The following UGGT2 variants were observed in gnomAD, a reference collection of about 807,000 sequenced individuals.
UGGT2 encodes UDP-glucose glycoprotein glucosyltransferase 2, also known as UDP-glucose:glycoprotein glucosyltransferase 2.
A neutral mutation model predicts 192.1 loss-of-function variants in UGGT2; 180 were observed. That is an observed-to-expected ratio of 0.94 (90% CI 0.83 to 1.06). UGGT2 has a LOEUF of 1.06. Ranked by LOEUF, UGGT2 falls within the 50% of genes least tolerant of loss-of-function variation. UGGT2 has a pLI of 0.00. For synonymous variants in UGGT2, 580 were observed against 591.0 expected (o/e 0.98, Z 0.27); for missense variants, 1,849 against 1,795.7 (o/e 1.03, Z -0.54).
Position 95,877,752 on chromosome 13 carries a change from T to G in UGGT2, c.3333A>C (p.Thr1111=), listed in dbSNP as rs780180191. 3.7e-6 allele frequency: 6 copies of G among 1,613,992 alleles called. No homozygotes were observed. Among genetic ancestry groups the G allele is most frequent in the Admixed American group, 1.7e-5 (1 of 60,006 alleles). Residue 1111 remains threonine (T), a synonymous_variant, in exon 28 of 39, where the codon ACA becomes ACC. Coordinates refer to ENST00000376747, the MANE Select transcript of UGGT2 (RefSeq NM_020121.4). ...TEQPPRGLQF[T]LGTKNKPAVV... is the part of the protein sequence containing the mutation. ...CAGCAGGTTTATTTTTTGTGCCTAG[T>G]GTGAACTGCAGACCCCGAGGAGGCT...
chr13:96,035,084 T>G (rs1391186841), intron 1 of UGGT2, among the ~76,000 whole-genome samples: 1 of 152,070 alleles, frequency 6.6e-6, no homozygotes, highest in Non-Finnish European at 1.5e-5. Flanking sequence ...TTAGAAAATA[T>G]GAAAAAGAGC....
chr13:96,017,788 T>C (rs544875130), intron 4 of UGGT2, among the ~76,000 whole-genome samples: 1 of 152,222 alleles, frequency 6.6e-6, no homozygotes, highest in Non-Finnish European at 1.5e-5. Flanking sequence ...TCTAAAGTAT[T>C]TGAATTCTTT....
At chr13:95,961,939 T>C (rs921750994) in intron 12 of UGGT2, among the ~76,000 whole-genome samples, 1 of 152,068 alleles carries the variant, frequency 6.6e-6, no homozygotes, top group African/African-American at 2.4e-5. Flanking sequence ...AAGAGAAACT[T>C]TGGAAGCAAT....
At chr13:95,894,886 G>A (rs908543496) in intron 23 of UGGT2, among the ~76,000 whole-genome samples, 7 of 152,100 alleles carry the variant, frequency 4.6e-5, no homozygotes, top group Non-Finnish European at 1.0e-4. Flanking sequence ...AGACAAATAT[G>A]GGAACCATGC....
intron 17 of UGGT2, among the ~76,000 whole-genome samples, chr13:95,930,685 T>A (rs1378487179): frequency 2.0e-5 from 3 of 152,194 alleles, no homozygotes; most frequent in Non-Finnish European, 4.4e-5. Context: ...TGAAGTTGGG[T>A]AATACTGTGT....
At chr13:95,911,713 G>A (rs1273371275) in intron 20 of UGGT2, among the ~76,000 whole-genome samples, 1 of 151,012 alleles carries the variant, frequency 6.6e-6, no homozygotes. Flanking sequence ...GAAAAAGAGA[G>A]AATCCTCCCT....
intron 4 of UGGT2, among the ~76,000 whole-genome samples, chr13:96,014,437 A>T (rs1050292578): frequency 2.6e-5 from 4 of 152,200 alleles, no homozygotes; most frequent in African/African-American, 9.6e-5. Flanking sequence ...GACTCAACAT[A>T]TTCTAAATCA....
chr13:96,021,574 CATTT>C (rs1295663890), intron 4 of UGGT2, among the ~76,000 whole-genome samples: 25 of 152,234 alleles, frequency 1.6e-4, no homozygotes, highest in African/African-American at 4.6e-4. Flanking sequence ...TACAGCTATT[CATTT>C]ATTAACACAG....
At chr13:96,051,746 C>G (rs2053492757) in intron 1 of UGGT2, among the ~76,000 whole-genome samples, 1 of 152,010 alleles carries the variant, frequency 6.6e-6, no homozygotes, top group Non-Finnish European at 1.5e-5. Context: ...TACTAATGAT[C>G]AGGGAAACAC....
At chr13:95,985,478 T>C (rs1426506167) in intron 9 of UGGT2, 4 of 264,122 alleles carry the variant, frequency 1.5e-5, no homozygotes, top group Non-Finnish European at 3.0e-5. Flanking sequence ...GTATGATGAA[T>C]AAATGTACAA....
intron 20 of UGGT2, among the ~76,000 whole-genome samples, chr13:95,920,578 T>C (rs1210128662): frequency 6.6e-6 from 1 of 151,872 alleles, no homozygotes; most frequent in Non-Finnish European, 1.5e-5. Flanking sequence ...GGCCAAAAAA[T>C]ATGGGGAAAA....
chr13:95,901,926 T>G (rs2140287690), intron 21 of UGGT2, among the ~76,000 whole-genome samples: 1 of 152,240 alleles, frequency 6.6e-6, no homozygotes, highest in East Asian at 1.9e-4. Flanking sequence ...CTGTCTATCA[T>G]CCTTCCCATG....
chr13:95,947,230 A>T, intron 14 of UGGT2, 58 bp from the exon 15 acceptor site: 2 of 1,445,364 alleles, frequency 1.4e-6, no homozygotes, highest in Non-Finnish European at 1.9e-6. Context: ...ACAATAAACC[A>T]TTATTTAGAA....
intron 20 of UGGT2, among the ~76,000 whole-genome samples, chr13:95,905,093 T>C (rs1229581178): frequency 6.6e-6 from 1 of 152,172 alleles, no homozygotes; most frequent in Non-Finnish European, 1.5e-5. Context: ...ATAAATGTCT[T>C]CTTTTGAGAA....
At chr13:95,920,681 C>T (rs1235827670) in intron 20 of UGGT2, among the ~76,000 whole-genome samples, 6 of 152,016 alleles carry the variant, frequency 3.9e-5, no homozygotes, top group Middle Eastern at 3.2e-3. Context: ...ACTAAAAAGT[C>T]GTAAAAGAAC....
chr13:96,003,848 A>AT (rs958532153), intron 5 of UGGT2, among the ~76,000 whole-genome samples: 1 of 152,194 alleles, frequency 6.6e-6, no homozygotes, highest in African/African-American at 2.4e-5. Context: ...CAGTAAGTCA[A>AT]TATTTCCTTA....
chr13:96,047,586 C>T (rs2053353474), intron 1 of UGGT2, among the ~76,000 whole-genome samples: 1 of 152,084 alleles, frequency 6.6e-6, no homozygotes, highest in African/African-American at 2.4e-5. Context: ...AGGAACGCAG[C>T]TCCTTGCTAT....
At chr13:95,972,368 C>T (rs2050800174) in intron 11 of UGGT2, among the ~76,000 whole-genome samples, 1 of 152,210 alleles carries the variant, frequency 6.6e-6, no homozygotes, top group Non-Finnish European at 1.5e-5. Flanking sequence ...GTCTAACCCT[C>T]ATCCAAACAA....
chr13:95,900,934 A>C lies in UGGT2; in HGVS notation c.2507T>G (p.Met836Arg). The C allele has an allele frequency of 6.3e-7, 1 of 1,587,176 alleles. No individual in the cohort carries two copies. Among genetic ancestry groups the C allele is most frequent in the Non-Finnish European group, 8.5e-7 (1 of 1,170,168 alleles). ...DKIKTFLIEGMDKNAFEKKYN... is the reference protein window; with the variant it reads ...DKIKTFLIEGRDKNAFEKKYN... ...TTTTTTCTCAAAAGCATTCTTATCCATCCCCTAAAGCAAAAGTTAAGACTG... is the reference window on the plus strand; with the variant it reads ...TTTTTTCTCAAAAGCATTCTTATCCCTCCCCTAAAGCAAAAGTTAAGACTG... Residue 836 changes from methionine (M) to arginine (R), a missense_variant, in exon 22 of 39, where the codon ATG (methionine) becomes AGG (arginine). Physicochemically the swap from Met to Arg is moderately conservative, Grantham distance 91. Coordinates refer to ENST00000376747, the MANE Select transcript of UGGT2 (RefSeq NM_020121.4).
Sources: allele counts gnomAD v4.1 joint callset (sites outside exome capture counted in the v4.1 genomes callset), GRCh38; gene constraint gnomAD v4.1.1; transcripts MANE v1.5; gene names NCBI Gene and HGNC (gene_info 2026-07-23, HGNC 2026-07-21).